The following CHIC1 variants were observed in gnomAD, a reference collection of about 807,000 sequenced individuals.
CHIC1 encodes cysteine-rich hydrophobic domain-containing protein 1.
A neutral mutation model predicts 18.5 loss-of-function variants in CHIC1; 7 were observed. The observed-to-expected ratio is 0.38, with a 90% CI of 0.22 to 0.71. The LOEUF (loss-of-function observed/expected upper bound fraction) is 0.71, where lower values mean the gene tolerates loss of function less well. CHIC1 is among the 30% of genes least tolerant of loss of function. The pLI is 0.49. For missense variants in CHIC1, 159 were observed against 176.9 expected (o/e 0.90, Z 0.57); for synonymous variants, 77 against 73.5 (o/e 1.05, Z -0.25).
chrX:73,678,289 G>C (rs1341381591), intron 3 of CHIC1, among the ~76,000 whole-genome samples: 1 of 112,298 alleles, frequency 8.9e-6, no homozygotes, highest in Non-Finnish European at 1.9e-5. Flanking sequence ...CAGGTAGACT[G>C]GTCCTCAATC....
intron 3 of CHIC1, among the ~76,000 whole-genome samples, chrX:73,664,616 A>G (rs1569505256): frequency 1.8e-5 from 2 of 111,673 alleles, no homozygotes; most frequent in Non-Finnish European, 3.8e-5. Flanking sequence ...AAATTCAACA[A>G]ATGGCTCCTG....
At chrX:73,630,285 G>A (rs1344758067) in intron 3 of CHIC1, among the ~76,000 whole-genome samples, 1 of 111,437 alleles carries the variant, frequency 9.0e-6, no homozygotes, top group African/African-American at 3.3e-5. Context: ...CACTGGCTAT[G>A]ACTTCCAGTA....
Position 73,671,244 on chromosome X carries a change from C to T in CHIC1, c.508-8082C>T, listed in dbSNP as rs959087254. 3.6e-5 allele frequency among the ~76,000 whole-genome samples: 4 copies of T among 112,012 alleles called. No individual in the cohort carries two copies. The Admixed American group carries it at 3.8e-4, about 11-fold the overall frequency. ...TTTAGAATTCTGATTCTGACTTTGA[C>T]AGTTTGACTATGATGTGCCTTGAAG... On this transcript the variant is annotated intron_variant, in intron 3 of 5. Coordinates refer to ENST00000373502, the MANE Select transcript of CHIC1 (RefSeq NM_001039840.4).
intron 3 of CHIC1, among the ~76,000 whole-genome samples, chrX:73,589,096 T>G (rs1671139652): frequency 9.0e-6 from 1 of 110,578 alleles, no homozygotes; most frequent in Non-Finnish European, 1.9e-5. Flanking sequence ...GTTTGCTCTT[T>G]TTAGTTCCAT....
Position 73,681,095 on chromosome X carries a change from G to C in CHIC1, c.*90G>C. 1 of 518,919 alleles carries C rather than the reference G, an allele frequency of 1.9e-6. No individual in the cohort carries two copies. 42.8% of individuals were successfully genotyped at this position (518,919 alleles called of 1,213,427 possible). A position where few individuals can be genotyped will look rare whatever the true frequency, so the allele number is the denominator to read the frequency against. On this transcript the variant is annotated 3_prime_UTR_variant, in exon 6 of 6. Transcript: ENST00000373502. ...GAATGAAGATGGTCTCCTTTGCTGT[G>C]TTCAACTTATTCTTTATAATGGTAG...
chrX:73,604,232 G>T (rs1355950670), intron 3 of CHIC1, among the ~76,000 whole-genome samples: 1 of 103,551 alleles, frequency 9.7e-6, no homozygotes, highest in Non-Finnish European at 1.9e-5. Flanking sequence ...TTTAGTCTTG[G>T]GGGCAGGGGG....
intron 3 of CHIC1, among the ~76,000 whole-genome samples, chrX:73,640,011 C>T (rs2057847776): frequency 9.0e-6 from 1 of 111,308 alleles, no homozygotes; most frequent in Admixed American, 9.6e-5. Context: ...TATTTGGATG[C>T]TCTTTATTTC....
Position 73,686,731 on chromosome X carries a change from G to A in CHIC1, c.*5726G>A, listed in dbSNP as rs1000061785. On this transcript the variant is annotated 3_prime_UTR_variant, in exon 6 of 6. Coordinates refer to ENST00000373502, the MANE Select transcript of CHIC1 (RefSeq NM_001039840.4). ...AAATATGAATCTGGCTGCAAGAACA[G>A]GATATCCAGGTAACTAGAGAGTGGG... 2.7e-5 allele frequency: 3 copies of A among 111,551 alleles called. No homozygotes were observed. The highest frequency in any genetic ancestry group is 9.7e-5 in the African/African-American group (3 of 30,822). 9.2% of individuals were successfully genotyped at this position (111,551 alleles called of 1,213,427 possible). A position where few individuals can be genotyped will look rare whatever the true frequency, so the allele number is the denominator to read the frequency against.
At chrX:73,606,190 C>T (rs2057682890) in intron 3 of CHIC1, among the ~76,000 whole-genome samples, 1 of 106,866 alleles carries the variant, frequency 9.4e-6, no homozygotes, top group African/African-American at 3.7e-5. Context: ...CCTTTTCATT[C>T]TTTTTTCTCT....
At chrX:73,575,854 A>G (rs993450352) in intron 1 of CHIC1, among the ~76,000 whole-genome samples, 1 of 110,842 alleles carries the variant, frequency 9.0e-6, no homozygotes, top group African/African-American at 3.2e-5. Flanking sequence ...TTTTAATTTT[A>G]TAAACTGTCC....
chrX:73,618,320 C>T (rs2057742690), intron 3 of CHIC1, among the ~76,000 whole-genome samples: 2 of 111,508 alleles, frequency 1.8e-5, no homozygotes, highest in African/African-American at 6.5e-5. Context: ...AGGCAATGCA[C>T]AGGGTCCTAG....
intron 3 of CHIC1, among the ~76,000 whole-genome samples, chrX:73,617,515 C>T (rs766934428): frequency 6.4e-4 from 71 of 111,764 alleles, no homozygotes; most frequent in African/African-American, 2.3e-3. Context: ...CGAATAAAGA[C>T]ATACCTGAGA....
chrX:73,578,151 T>G (rs1445151923), intron 2 of CHIC1, among the ~76,000 whole-genome samples: 2 of 110,667 alleles, frequency 1.8e-5, no homozygotes, highest in Non-Finnish European at 3.8e-5. Context: ...TATGCTAATG[T>G]GTTTGACTAA....
intron 3 of CHIC1, among the ~76,000 whole-genome samples, chrX:73,594,065 TG>T (rs1196126153): frequency 9.0e-6 from 1 of 111,290 alleles, no homozygotes; most frequent in Admixed American, 9.6e-5. Context: ...ATTATTTGGA[TG>T]GGACTTTTTT....
chrX:73,662,957 G>A (rs914960786), intron 3 of CHIC1, among the ~76,000 whole-genome samples: 5 of 111,998 alleles, frequency 4.5e-5, no homozygotes, highest in South Asian at 3.8e-4. Flanking sequence ...AGCATTCCTT[G>A]AAGAAGCACT....
At chrX:73,633,670 A>G (rs1015280025) in intron 3 of CHIC1, among the ~76,000 whole-genome samples, 1 of 110,495 alleles carries the variant, frequency 9.1e-6, no homozygotes, top group Non-Finnish European at 1.9e-5. Context: ...CAGAATGTTT[A>G]TATTGGTTCA....
intron 3 of CHIC1, among the ~76,000 whole-genome samples, chrX:73,666,401 C>G (rs1449028919): frequency 8.9e-6 from 1 of 111,939 alleles, no homozygotes; most frequent in Non-Finnish European, 1.9e-5. Context: ...GTCCAATGTT[C>G]AAGGGTAGGA....
intron 3 of CHIC1, among the ~76,000 whole-genome samples, chrX:73,660,208 T>A (rs1241895834): frequency 8.9e-6 from 1 of 112,499 alleles, no homozygotes; most frequent in Admixed American, 9.4e-5. Flanking sequence ...TAATTGTGTT[T>A]GGGCAGGTAC....
At chrX:73,589,376 A>G (rs2057569849) in intron 3 of CHIC1, among the ~76,000 whole-genome samples, 1 of 110,403 alleles carries the variant, frequency 9.1e-6, no homozygotes, top group Non-Finnish European at 1.9e-5. Flanking sequence ...TGAGTTTTTT[A>G]CTGTACTGTA....
Sources: gnomAD v4.1 joint callset for allele counts (sites outside exome capture counted in the v4.1 genomes callset) on GRCh38, gnomAD v4.1.1 for gene constraint, MANE v1.5 for transcripts, NCBI Gene and HGNC (gene_info 2026-07-23, HGNC 2026-07-21) for gene names.